Variants in DBH observed in about 807,000 individuals in gnomAD.
DBH encodes dopamine beta-hydroxylase, also known as dopamine beta-hydroxylase (dopamine beta-monooxygenase).
In DBH, 49 loss-of-function variants were observed where a neutral mutation model predicts 64.0. The ratio of observed to expected loss-of-function variants is 0.77; its 90% CI spans 0.61 to 0.97. DBH has a LOEUF of 0.97. DBH is among the 50% of genes least tolerant of loss of function. The pLI is 0.00. For synonymous variants in DBH, 343 were observed against 347.1 expected (o/e 0.99, Z 0.13); for missense variants, 828 against 826.6 (o/e 1.00, Z -0.02).
At position 133,636,617 on chromosome 9, in the gene DBH, G is replaced by A. The variant is rs768493734; in HGVS notation, c.246G>A (p.Lys82=). 1.3e-5 allele frequency: 21 copies of A among 1,613,596 alleles called. No individual in the cohort carries two copies. The highest frequency in any genetic ancestry group is 1.7e-5 in the Non-Finnish European group (20 of 1,180,018). The change falls in exon 1 of 12, where the codon AAG becomes AAA. Residue 82 remains lysine, a synonymous_variant. Coordinates refer to ENST00000393056, the MANE Select transcript of DBH (RefSeq NM_000787.4). ...TCCAGCTCCTGGTGCGGAGGCTCAA[G>A]GCTGGCGTCCTGTTTGGGATGTCCG... is the stretch of plus-strand genomic sequence containing the variant. ...IHFQLLVRRL[K]AGVLFGMSDR... is the part of the protein sequence containing the mutation.
Position 133,642,391 on chromosome 9 carries a change from C to T in DBH, c.671C>T (p.Pro224Leu), listed in dbSNP as rs762464131. The T allele has an allele frequency of 6.2e-7, 1 of 1,614,114 alleles. No individual in the cohort carries two copies. The highest frequency in any genetic ancestry group is 1.7e-5 in the Admixed American group (1 of 60,016). The change falls in exon 3 of 12, where the codon CCC becomes CTC. Residue 224 changes from proline (P) to leucine (L), a missense_variant. Physicochemically the swap from Pro to Leu is moderately conservative, Grantham distance 98. Coordinates refer to ENST00000393056, the MANE Select transcript of DBH (RefSeq NM_000787.4). ...MEVQAPNIQIPSQETTYWCYI... is the reference protein window; with the variant it reads ...MEVQAPNIQILSQETTYWCYI... ...GTCCAAGCTCCCAATATCCAGATCCCCAGCCAGGAGACCACGTACTGGTGC... is the reference window on the plus strand; with the variant it reads ...GTCCAAGCTCCCAATATCCAGATCCTCAGCCAGGAGACCACGTACTGGTGC...
chr9:133,651,189 G>A (rs1246281948), intron 6 of DBH, among the ~76,000 whole-genome samples: 2 of 152,254 alleles, frequency 1.3e-5, no homozygotes, highest in African/African-American at 4.8e-5. Context: ...CCACCACGTA[G>A]GGGACCTGCC....
intron 6 of DBH, among the ~76,000 whole-genome samples, chr9:133,650,736 C>A (rs189427904): frequency 9.9e-5 from 15 of 151,648 alleles, no homozygotes; most frequent in African/African-American, 3.4e-4. Flanking sequence ...TTAGTAGAGG[C>A]GGGGTTTTAC....
intron 11 of DBH, among the ~76,000 whole-genome samples, chr9:133,657,862 C>T (rs192297164): frequency 4.9e-4 from 75 of 152,284 alleles, no homozygotes; most frequent in African/African-American, 1.8e-3. Flanking sequence ...ATTTGGGAGC[C>T]AGATTAACTG....
rs577512094 is a variant in DBH, at chr9:133,652,362, A to G, written c.1374+78A>G. ...TGAGAGGGCTGGGGGTGCCACCAGA[A>G]GGAGAGGGACACAGAAAGTGATAGG... On this transcript the variant is annotated intron_variant, in intron 8 of 11. Coordinates refer to ENST00000393056, the MANE Select transcript of DBH (RefSeq NM_000787.4). The G allele has an allele frequency of 3.9e-6, 6 of 1,530,834 alleles. No individual in the cohort carries two copies. The South Asian group carries it at 6.7e-5, about 17-fold the overall frequency. The allele number at this position is 1,530,834 out of a possible 1,614,324, so 94.8% of individuals were successfully genotyped here.
chr9:133,640,133 G>C (rs1300356883), intron 2 of DBH, 141 bp downstream of exon 2: 2 of 1,164,318 alleles, frequency 1.7e-6, no homozygotes, highest in East Asian at 2.5e-5. Flanking sequence ...AGAAAGCCAA[G>C]GAGGATGGCC....
chr9:133,642,126 G>C, intron 2 of DBH, 81 bp from the exon 3 acceptor site: 1 of 1,575,884 alleles, frequency 6.3e-7, no homozygotes, highest in Non-Finnish European at 8.6e-7. Flanking sequence ...GGTGTGGGTG[G>C]GCAGGGATGT....
chr9:133,657,511 AGAGAGAGG>A (rs1564216040), intron 11 of DBH, among the ~76,000 whole-genome samples: 1 of 149,768 alleles, frequency 6.7e-6, no homozygotes, highest in African/African-American at 2.5e-5. Context: ...AGAGAGAGAG[AGAGAGAGG>A]GAGAGAGAGA....
chr9:133,657,343 C>A lies in DBH; in HGVS notation c.1722+114C>A. The stretch of plus-strand genomic sequence containing the variant: ...TGCTGGCAAAAGCACTCGCACAAGA[C>A]AATGAGAGCAAGTGCCAGGTGGTGA... On this transcript the variant is annotated intron_variant, in intron 11 of 11. Coordinates refer to ENST00000393056, the MANE Select transcript of DBH (RefSeq NM_000787.4). 3.1e-6 allele frequency: 4 copies of A among 1,300,906 alleles called. No individual in the cohort carries two copies. In the South Asian group the frequency reaches 4.9e-5, roughly 16 times the overall value. The allele number at this position is 1,300,906 out of a possible 1,614,324, so 80.6% of individuals were successfully genotyped here.
chr9:133,652,369 G>A (rs1832261835), intron 8 of DBH, 85 bp downstream of exon 8: 3 of 1,521,424 alleles, frequency 2.0e-6, no homozygotes, highest in African/African-American at 1.4e-5. Context: ...AGAAGGAGAG[G>A]GACACAGAAA....
At chr9:133,637,022 C>T (rs1832061786) in intron 1 of DBH, among the ~76,000 whole-genome samples, 1 of 152,226 alleles carries the variant, frequency 6.6e-6, no homozygotes, top group Non-Finnish European at 1.5e-5. Flanking sequence ...TGCCGCTCCA[C>T]ACCCCACACG....
Position 133,656,558 on chromosome 9 carries a change from C to G in DBH, c.1470C>G (p.Asn490Lys). The change falls in exon 10 of 12, where the codon AAC becomes AAG. Residue 490 changes from asparagine to lysine, a missense_variant. Physicochemically the swap from Asn to Lys is moderately conservative, Grantham distance 94 (BLOSUM62 0). Coordinates refer to ENST00000393056, the MANE Select transcript of DBH (RefSeq NM_000787.4). ...GGATCCTGGAGGAGATGTGTGTCAA[C>G]TACGTGCACTACTACCCCCAGACGC... ...GFGILEEMCV[N>K]YVHYYPQTQL... The G allele has an allele frequency of 6.2e-7, 1 of 1,614,004 alleles. No individual in the cohort carries two copies. Among genetic ancestry groups the G allele is most frequent in the Non-Finnish European group, 8.5e-7 (1 of 1,180,024 alleles).
At position 133,641,861 on chromosome 9, in the gene DBH, T is replaced by C. The variant is rs189186657; in HGVS notation, c.487-346T>C. Among the ~76,000 whole-genome samples, 857 of 152,224 alleles carry C rather than the reference T, an allele frequency of 5.6e-3. 9 individuals carry two copies. The highest frequency in any genetic ancestry group is 0.019 in the African/African-American group (784 of 41,536). Reference sequence around the variant, plus strand: ...CTGACCAATGATCCCCCACACCCAGTCCCCAGTGACCTTGGGGTTGGTGGA... The same window carrying C: ...CTGACCAATGATCCCCCACACCCAGCCCCCAGTGACCTTGGGGTTGGTGGA... On this transcript the variant is annotated intron_variant, in intron 2 of 11. Coordinates refer to ENST00000393056, the MANE Select transcript of DBH (RefSeq NM_000787.4).
intron 6 of DBH, among the ~76,000 whole-genome samples, chr9:133,651,075 C>T (rs1832242627): frequency 6.6e-6 from 1 of 152,200 alleles, no homozygotes; most frequent in South Asian, 2.1e-4. Context: ...CTACAGCTCC[C>T]AGCTGTAGCA....
chr9:133,641,184 C>A (rs535448119), intron 2 of DBH, among the ~76,000 whole-genome samples: 108 of 152,330 alleles, frequency 7.1e-4, no homozygotes, highest in Non-Finnish European at 7.3e-5. Flanking sequence ...TAGACAAATA[C>A]GGAATCTAAG....
Position 133,642,291 on chromosome 9 carries a change from G to T in DBH, c.571G>T (p.Gly191Trp). 1 of 1,614,086 alleles carries T rather than the reference G, an allele frequency of 6.2e-7. No homozygotes were observed. The highest frequency in any genetic ancestry group is 8.5e-7 in the Non-Finnish European group (1 of 1,180,034). Residue 191 changes from glycine (G) to tryptophan (W), a missense_variant, in exon 3 of 12, where the codon GGG (glycine) becomes TGG (tryptophan). By Grantham distance (184) the Gly-to-Trp change is radical (BLOSUM62 -2). Coordinates refer to ENST00000393056, the MANE Select transcript of DBH (RefSeq NM_000787.4). ...CATCAACGGCTCGGGCCTGCAGATG[G>T]GGCTGCAGAGGGTGCAGCTCCTGAA... ...EAINGSGLQM[G>W]LQRVQLLKPN...
rs199898782 is a variant in DBH at position 133,639,860 on chromosome 9, C to T, written c.354C>T (p.Asp118=). ...DTAYFADAWS[D]QKGQIHLDPQ... ...TGTCTCTGCAGGACGCCTGGAGTGA[C>T]CAGAAGGGGCAGATCCACCTGGATC... The change falls in exon 2 of 12, where the codon GAC becomes GAT. Residue 118 remains aspartate, a synonymous_variant. Coordinates refer to ENST00000393056, the MANE Select transcript of DBH (RefSeq NM_000787.4). 430 of 1,611,522 alleles carry T rather than the reference C, an allele frequency of 2.7e-4. No homozygotes were observed. The highest frequency in any genetic ancestry group is 3.5e-4 in the Non-Finnish European group (407 of 1,179,318).
At chr9:133,657,465 G>GA (rs1832346098) in intron 11 of DBH, among the ~76,000 whole-genome samples, 2 of 134,352 alleles carry the variant, frequency 1.5e-5, no homozygotes, top group African/African-American at 3.3e-5. Context: ...AGAGGGAGAG[G>GA]GAGAGAGGGA....
chr9:133,653,054 C>T, intron 9 of DBH, 55 bp downstream of exon 9: 1 of 1,374,746 alleles, frequency 7.3e-7, no homozygotes, highest in Non-Finnish European at 1.0e-6. Flanking sequence ...TCAGCCTGAG[C>T]CATCTGAGGA....
Sources: allele counts gnomAD v4.1 joint callset (sites outside exome capture counted in the v4.1 genomes callset), GRCh38; gene constraint gnomAD v4.1.1; transcripts MANE v1.5; gene names NCBI Gene and HGNC (gene_info 2026-07-23, HGNC 2026-07-21).